Variants in HHAT observed in about 807,000 individuals in gnomAD.
The protein encoded by HHAT is hedgehog acyltransferase.
A neutral mutation model predicts 70.8 loss-of-function variants in HHAT; 47 were observed. The ratio of observed to expected loss-of-function variants is 0.66; its 90% confidence interval spans 0.53 to 0.85. The LOEUF (loss-of-function observed/expected upper bound fraction) is 0.85, where lower values mean the gene tolerates loss of function less well. Ranked by LOEUF, HHAT falls within the 40% of genes least tolerant of loss-of-function variation. The probability of loss-of-function intolerance (pLI) is 0.00; values close to 1 mark genes in which losing one functional copy is unlikely to be tolerated. For synonymous variants in HHAT, 228 were observed against 247.6 expected (o/e 0.92, Z 0.74); for missense variants, 609 against 604.8 (o/e 1.01, Z -0.07).
At position 210,398,675 on chromosome 1, in the gene HHAT, T is replaced by A. The variant is rs142357399; in HGVS notation, c.274-1793T>A. On this transcript the variant is annotated intron_variant, in intron 4 of 11. Coordinates refer to ENST00000261458, the MANE Select transcript of HHAT (RefSeq NM_018194.6). The stretch of plus-strand genomic sequence containing the variant: ...TAATAAAAACATAACTGTGTCTATG[T>A]ATGTAGCCACACATGCACAAAAAAG... 3.9e-5 allele frequency among the ~76,000 whole-genome samples: 6 copies of A among 152,318 alleles called. No homozygotes were observed. In the East Asian group the frequency reaches 1.2e-3, roughly 29 times the overall value.
intron 1 of HHAT, among the ~76,000 whole-genome samples, chr1:210,344,213 A>C (rs902099408): frequency 1.6e-4 from 25 of 152,306 alleles, no homozygotes; most frequent in African/African-American, 5.8e-4. Context: ...TTTTGCCGCT[A>C]GTTACTATGT....
intron 2 of HHAT, among the ~76,000 whole-genome samples, chr1:210,355,590 C>CT (rs1011503435): frequency 1.3e-5 from 2 of 152,146 alleles, no homozygotes; most frequent in African/African-American, 4.8e-5. Flanking sequence ...AAACATACTG[C>CT]TTTTTTCCCT....
At chr1:210,538,803 A>G (rs2095400268) in intron 9 of HHAT, among the ~76,000 whole-genome samples, 1 of 152,232 alleles carries the variant, frequency 6.6e-6, no homozygotes, top group East Asian at 1.9e-4. Context: ...GGGGCTGGGC[A>G]CAGTGGCTAA....
chr1:210,561,740 T>C (rs2095624407), intron 9 of HHAT, among the ~76,000 whole-genome samples: 1 of 152,266 alleles, frequency 6.6e-6, no homozygotes, highest in African/African-American at 2.4e-5. Context: ...ATTGTCAAAG[T>C]AATTAACATA....
chr1:210,599,366 C>T (rs1016403824), intron 10 of HHAT, among the ~76,000 whole-genome samples: 1 of 152,118 alleles, frequency 6.6e-6, no homozygotes, highest in Admixed American at 6.6e-5. Flanking sequence ...TTCATTAATG[C>T]CCTTGGCACC....
At chr1:210,601,793 A>G (rs55903041) in intron 10 of HHAT, among the ~76,000 whole-genome samples, 234 of 152,288 alleles carry the variant, frequency 1.5e-3, no homozygotes, top group Non-Finnish European at 2.9e-3. Flanking sequence ...GATCTATAAG[A>G]CAAATGAACT....
intron 7 of HHAT, among the ~76,000 whole-genome samples, chr1:210,452,770 A>G (rs1402439590): frequency 2.0e-5 from 3 of 152,180 alleles, no homozygotes; most frequent in African/African-American, 2.4e-5. Flanking sequence ...TGGTAAATCC[A>G]TGGTAAATCC....
At chr1:210,631,590 A>T (rs892936909) in intron 11 of HHAT, among the ~76,000 whole-genome samples, 1 of 152,244 alleles carries the variant, frequency 6.6e-6, no homozygotes, top group Admixed American at 6.5e-5. Flanking sequence ...AAGCAGTGGA[A>T]AGAGGAAATC....
chr1:210,590,844 A>G (rs577712144), intron 10 of HHAT, among the ~76,000 whole-genome samples: 1 of 152,286 alleles, frequency 6.6e-6, no homozygotes, highest in African/African-American at 2.4e-5. Flanking sequence ...CATGGTGTAT[A>G]TCCTTCATCT....
At chr1:210,472,062 A>T (rs1300110322) in intron 8 of HHAT, among the ~76,000 whole-genome samples, 2 of 152,182 alleles carry the variant, frequency 1.3e-5, no homozygotes, top group Non-Finnish European at 1.5e-5. Context: ...AAATTATCTG[A>T]TCCTGTAATA....
chr1:210,532,237 A>G (rs895205546), intron 9 of HHAT, among the ~76,000 whole-genome samples: 1 of 152,226 alleles, frequency 6.6e-6, no homozygotes, highest in Non-Finnish European at 1.5e-5. Flanking sequence ...TAAGCAAAAT[A>G]ATGAACTGGA....
intron 10 of HHAT, among the ~76,000 whole-genome samples, chr1:210,618,478 G>C (rs1386200008): frequency 6.6e-6 from 1 of 152,184 alleles, no homozygotes; most frequent in South Asian, 2.1e-4. Context: ...AACCCACCCA[G>C]TTTCTGTTTT....
At chr1:210,373,886 C>T (rs978362797) in intron 3 of HHAT, among the ~76,000 whole-genome samples, 9 of 152,172 alleles carry the variant, frequency 5.9e-5, no homozygotes, top group Non-Finnish European at 1.0e-4. Flanking sequence ...ATCTTAAAGG[C>T]CATCACTTAA....
At chr1:210,585,132 A>G (rs937678377) in intron 9 of HHAT, among the ~76,000 whole-genome samples, 5 of 149,618 alleles carry the variant, frequency 3.3e-5, no homozygotes, top group Non-Finnish European at 7.4e-5. Context: ...CCAGGGTTGT[A>G]ATGGAAGCAG....
Position 210,588,198 on chromosome 1 carries a change from C to G in HHAT, c.1245+99C>G, listed in dbSNP as rs1032718708. On this transcript the variant is annotated intron_variant, in intron 10 of 11. Coordinates refer to ENST00000261458, the MANE Select transcript of HHAT (RefSeq NM_018194.6). ...TCAGATTCCCTGCCCCCACTATGGG[C>G]CCTTTCTACTAGGTTGGTTCAAAGT... 1.3e-5 allele frequency: 13 copies of G among 1,028,576 alleles called. No homozygotes were observed. In the African/African-American group the frequency reaches 1.8e-4, roughly 14 times the overall value. 63.7% of individuals were successfully genotyped at this position (1,028,576 alleles called of 1,614,324 possible).
In HHAT at chr1:210,340,527, T is replaced by C. The variant is rs1277079269; in HGVS notation, c.-43-8406T>C. On this transcript the variant is annotated intron_variant, in intron 1 of 11. Transcript: ENST00000261458. Reference sequence around the variant, plus strand: ...TTATTGCTTGTGGTTTCCAGAGTGCTCATTTGTTCCTGAATTTAGAGCTAT... The same window carrying C: ...TTATTGCTTGTGGTTTCCAGAGTGCCCATTTGTTCCTGAATTTAGAGCTAT... Among the ~76,000 whole-genome samples the C allele has an allele frequency of 2.0e-5, 3 of 152,340 alleles. No individual in the cohort carries two copies. In the East Asian group the frequency reaches 5.8e-4, roughly 29 times the overall value.
At chr1:210,572,683 C>T (rs1656614019) in intron 9 of HHAT, among the ~76,000 whole-genome samples, 1 of 152,004 alleles carries the variant, frequency 6.6e-6, no homozygotes, top group African/African-American at 2.4e-5. Flanking sequence ...TGCTTGAGGC[C>T]AGGAGTTTGA....
At chr1:210,347,106 A>G (rs781102712) in intron 1 of HHAT, among the ~76,000 whole-genome samples, 8 of 152,238 alleles carry the variant, frequency 5.3e-5, no homozygotes, top group Non-Finnish European at 1.0e-4. Flanking sequence ...ACCATGCTGT[A>G]TAATAGATCC....
intron 9 of HHAT, among the ~76,000 whole-genome samples, chr1:210,522,282 G>A (rs920404179): frequency 6.6e-6 from 1 of 152,180 alleles, no homozygotes; most frequent in African/African-American, 2.4e-5. Context: ...ATCCCTGCCT[G>A]ATGAAAACTC....
Sources: gnomAD v4.1 joint callset for allele counts (sites outside exome capture counted in the v4.1 genomes callset) on GRCh38, gnomAD v4.1.1 for gene constraint, MANE v1.5 for transcripts, NCBI Gene and HGNC (gene_info 2026-07-23, HGNC 2026-07-21) for gene names.